Variants in CHODL observed in about 807,000 individuals in gnomAD.
CHODL encodes the protein chondrolectin, also known as transmembrane protein MT75.
CHODL carries 29 observed loss-of-function variants against 34.5 expected under a neutral mutation model. That is an observed-to-expected ratio of 0.84 (90% CI 0.63 to 1.15). CHODL has a LOEUF of 1.15. Among genes scored for constraint, CHODL ranks in the 50% most tolerant of loss-of-function variants. CHODL has a pLI of 0.00. For synonymous variants in CHODL, 125 were observed against 116.1 expected, an observed-to-expected ratio of 1.08 and a Z score of -0.49; for missense variants, 332 against 332.5, an observed-to-expected ratio of 1.00 and a Z score of 0.01.
chr21:18,125,030 C>T (rs2065525047), intron 2 of CHODL, among the ~76,000 whole-genome samples: 1 of 152,182 alleles, frequency 6.6e-6, no homozygotes, highest in Admixed American at 6.5e-5. Flanking sequence ...AGTAAATATA[C>T]ATGCATCAGT....
At chr21:17,967,396 T>C (rs975641305) in intron 1 of CHODL, among the ~76,000 whole-genome samples, 5 of 152,324 alleles carry the variant, frequency 3.3e-5, no homozygotes, top group Non-Finnish European at 5.9e-5. Context: ...CACATTCTTT[T>C]TCTTTCTGGC....
intron 4 of CHODL, among the ~76,000 whole-genome samples, chr21:18,261,405 C>T (rs1001284845): frequency 6.6e-6 from 1 of 151,718 alleles, no homozygotes; most frequent in Non-Finnish European, 1.5e-5. Context: ...GTGGCTCACA[C>T]CTGTAATCCC....
chr21:17,988,463 A>G (rs945302867), intron 1 of CHODL, among the ~76,000 whole-genome samples: 1 of 140,114 alleles, frequency 7.1e-6, no homozygotes, highest in Non-Finnish European at 1.5e-5. Context: ...TTAGTTACAT[A>G]TGTATACATG....
rs1177005708 is a variant in CHODL at position 18,171,198 on chromosome 21, G to GTTTTTTTTTTTTTT, written c.-44-85305_-44-85292dup. Among the ~76,000 whole-genome samples the GTTTTTTTTTTTTTT allele has an allele frequency of 2.4e-4, 9 of 37,082 alleles. 2 individuals are homozygous for GTTTTTTTTTTTTTT. The highest frequency in any genetic ancestry group is 2.8e-4 in the Non-Finnish European group (7 of 25,240). 24.3% of individuals were successfully genotyped at this position (37,082 alleles called of 152,430 possible). A position where few individuals can be genotyped will look rare whatever the true frequency, so the allele number is the denominator to read the frequency against. On this transcript the variant is annotated intron_variant, in intron 2 of 6. Transcript: ENST00000400127. ...TGTTCTTCAGACATGGTTTTCTTTAGTTTTTTTTTTTTTTTTTTTGAGACG... is the reference window on the plus strand; with the variant it reads ...TGTTCTTCAGACATGGTTTTCTTTAGTTTTTTTTTTTTTTTTTTTTTTTTTTTTTTTTTGAGACG...
At chr21:18,147,230 G>A (rs1414487527) in intron 2 of CHODL, among the ~76,000 whole-genome samples, 1 of 152,198 alleles carries the variant, frequency 6.6e-6, no homozygotes, top group African/African-American at 2.4e-5. Flanking sequence ...GTTTGGTTAT[G>A]TGTGTACAGA....
exon 2 of CHODL, chr21:18,027,931 T>C (rs2064193468): frequency 6.6e-6 from 1 of 152,604 alleles, no homozygotes; most frequent in South Asian, 2.1e-4. Context: ...AGAAACTGGA[T>C]GGGCCAGCAC....
rs540132359 is a variant in CHODL at position 18,079,858 on chromosome 21, G to A, written c.-45+51887G>A. On this transcript the variant is annotated intron_variant, in intron 2 of 6. Coordinates refer to the CHODL transcript ENST00000400127. Reference sequence around the variant, plus strand: ...TTTGCTATAATCCTACACAGTAGTGGGATTGCTAGATTGAATGGCAGTCCT... The same window carrying A: ...TTTGCTATAATCCTACACAGTAGTGAGATTGCTAGATTGAATGGCAGTCCT... Among the ~76,000 whole-genome samples, 20 of 79,622 alleles carry A rather than the reference G, an allele frequency of 2.5e-4. No individual in the cohort carries two copies. In the South Asian group the frequency reaches 6.3e-3, roughly 25 times the overall value. The allele number at this position is 79,622 out of a possible 152,430, so 52.2% of individuals were successfully genotyped here.
intron 1 of CHODL, among the ~76,000 whole-genome samples, chr21:18,003,371 AT>A (rs1311829813): frequency 5.9e-5 from 8 of 135,820 alleles, no homozygotes; most frequent in African/African-American, 2.0e-4. Flanking sequence ...CTTCAGAAAA[AT>A]AATAATATAT....
intron 2 of CHODL, among the ~76,000 whole-genome samples, chr21:18,207,608 C>T (rs2073726245): frequency 6.9e-6 from 1 of 144,736 alleles, no homozygotes; most frequent in Non-Finnish European, 1.5e-5. Context: ...GACTGAAGAA[C>T]TCCCTTCAGT....
intron 2 of CHODL, among the ~76,000 whole-genome samples, chr21:18,230,588 A>T (rs903642577): frequency 2.0e-5 from 3 of 152,136 alleles, no homozygotes; most frequent in Non-Finnish European, 2.9e-5. Context: ...TTTTTATGGA[A>T]TATTAGAAAC....
At chr21:18,190,969 C>T (rs995577891) in intron 2 of CHODL, among the ~76,000 whole-genome samples, 3 of 152,112 alleles carry the variant, frequency 2.0e-5, no homozygotes, top group African/African-American at 4.8e-5. Flanking sequence ...TCCTTGCTTA[C>T]ATCAGTACAA....
intron 2 of CHODL, among the ~76,000 whole-genome samples, chr21:18,084,979 G>A (rs1463247288): frequency 6.6e-6 from 1 of 150,552 alleles, no homozygotes; most frequent in Non-Finnish European, 1.5e-5. Flanking sequence ...GTGCTCCAAT[G>A]TTGGGTGCAT....
intron 2 of CHODL, among the ~76,000 whole-genome samples, chr21:18,187,762 C>T (rs547467044): frequency 9.2e-5 from 14 of 152,276 alleles, no homozygotes; most frequent in Admixed American, 9.2e-4. Flanking sequence ...ATGAAATCAT[C>T]TCTGCTGCCC....
intron 1 of CHODL, among the ~76,000 whole-genome samples, chr21:17,962,665 TAA>T (rs2063540059): frequency 6.6e-6 from 1 of 152,198 alleles, no homozygotes; most frequent in South Asian, 2.1e-4. Context: ...AGCTAGCTGA[TAA>T]AGTGATATTC....
chr21:18,244,663 A>G (rs2074114697), upstream of CHODL, among the ~76,000 whole-genome samples: 2 of 152,136 alleles, frequency 1.3e-5, no homozygotes, highest in Admixed American at 6.5e-5. Context: ...AGGGGACCAG[A>G]GGAGGCGGGC....
chr21:17,942,285 A>G (rs2063371086), intron 1 of CHODL, among the ~76,000 whole-genome samples: 1 of 152,146 alleles, frequency 6.6e-6, no homozygotes, highest in Non-Finnish European at 1.5e-5. Context: ...CACAATTCCC[A>G]CATGTTGTGG....
At chr21:18,018,367 A>G (rs887972497) in intron 1 of CHODL, among the ~76,000 whole-genome samples, 18 of 152,046 alleles carry the variant, frequency 1.2e-4, no homozygotes, top group Non-Finnish European at 1.0e-4. Flanking sequence ...CCAATGCTGG[A>G]GGTGGGGCCT....
intron 2 of CHODL, among the ~76,000 whole-genome samples, chr21:18,083,633 C>A (rs1011712671): frequency 6.6e-6 from 1 of 152,308 alleles, no homozygotes; most frequent in Admixed American, 6.5e-5. Context: ...CATCAGTGTG[C>A]CCTGGATGTG....
chr21:17,934,614 A>AC (rs2063304774), intron 1 of CHODL, among the ~76,000 whole-genome samples: 1 of 152,128 alleles, frequency 6.6e-6, no homozygotes, highest in East Asian at 1.9e-4. Context: ...CAACTGCAAA[A>AC]CAATAGTTGC....
Sources: allele counts gnomAD v4.1 joint callset (sites outside exome capture counted in the v4.1 genomes callset), GRCh38; gene constraint gnomAD v4.1.1; transcripts MANE v1.5; gene names NCBI Gene and HGNC (gene_info 2026-07-23, HGNC 2026-07-21).